The following WASF2 variants were observed in gnomAD, a reference collection of about 807,000 sequenced individuals.
WASF2 encodes the protein actin-binding protein WASF2.
A neutral mutation model predicts 45.0 loss-of-function variants in WASF2; 14 were observed. That is an observed-to-expected ratio of 0.31 (90% CI 0.21 to 0.49). The LOEUF (loss-of-function observed/expected upper bound fraction) is 0.49, where lower values mean the gene tolerates loss of function less well. Ranked by LOEUF, WASF2 falls within the 20% of genes least tolerant of loss-of-function variation. WASF2 has a pLI of 0.99. For missense variants in WASF2, 439 were observed against 636.1 expected, an observed-to-expected ratio of 0.69 and a Z score of 3.33; for synonymous variants, 200 against 236.3, an observed-to-expected ratio of 0.85 and a Z score of 1.41.
chr1:27,419,701 G>A (rs1182178767), intron 2 of WASF2, among the ~76,000 whole-genome samples: 2 of 152,164 alleles, frequency 1.3e-5, no homozygotes, highest in Non-Finnish European at 2.9e-5. Flanking sequence ...AAAACAGATT[G>A]GGAGTTCAGA....
intron 1 of WASF2, 50 bp from the exon 2 acceptor site, chr1:27,428,983 C>A: frequency 9.9e-6 from 13 of 1,310,580 alleles, no homozygotes; most frequent in Non-Finnish European, 1.3e-5. Flanking sequence ...ATTCCAGGCA[C>A]ACTAGGGCTG....
intron 1 of WASF2, among the ~76,000 whole-genome samples, chr1:27,448,259 G>A (rs887271638): frequency 1.3e-5 from 2 of 152,142 alleles, no homozygotes; most frequent in African/African-American, 4.8e-5. Flanking sequence ...TTGACATGGG[G>A]GCTTGACATT....
At chr1:27,446,827 G>A (rs1161070769) in intron 1 of WASF2, among the ~76,000 whole-genome samples, 5 of 151,596 alleles carry the variant, frequency 3.3e-5, no homozygotes, top group South Asian at 2.1e-4. Context: ...TACAGTAGCC[G>A]GAACTTTCCA....
rs143433375 is a variant in WASF2 at position 27,409,883 on chromosome 1, A to G, written c.1148T>C (p.Leu383Ser). 83 of 1,573,334 alleles carry G rather than the reference A, an allele frequency of 5.3e-5. No individual in the cohort carries two copies. The African/African-American group carries it at 1.1e-3, about 21-fold the overall frequency. The change falls in exon 8 of 9, where the codon TTG becomes TCG. Residue 383 changes from leucine to serine, a missense_variant. Around this residue, in one of 5 missense-constraint regions of WASF2, gnomAD observed 286 missense variants for 373.5 expected, o/e 0.77. Transcript: ENST00000618852. ...AGGTGCTCCTCCTGTTGGCTGGGAC[A>G]AGGGAGGTGGTGGCAGAGTTGGGTA... ...ADYPTLPPPP[L>S]SQPTGGAPPP...
chr1:27,428,455 C>A (rs1235011407), intron 2 of WASF2, among the ~76,000 whole-genome samples: 1 of 152,222 alleles, frequency 6.6e-6, no homozygotes, highest in Non-Finnish European at 1.5e-5. Context: ...ACACAGAATT[C>A]TGCTCTGTCA....
Position 27,418,284 on chromosome 1 carries a change from T to C in WASF2, c.404A>G (p.Asn135Ser). 10 of 1,613,934 alleles carry C rather than the reference T, an allele frequency of 6.2e-6. No homozygotes were observed. Among genetic ancestry groups the C allele is most frequent in the Non-Finnish European group, 8.5e-6 (10 of 1,179,928 alleles). Residue 135 changes from asparagine (N) to serine (S), a missense_variant, in exon 4 of 9, where the codon AAT (asparagine) becomes AGT (serine). Transcript: ENST00000618852. ...NTCDTPPPLN[N>S]LTPYRDDGKE... The stretch of plus-strand genomic sequence containing the variant: ...CAGCCATTACCTGTAAGGGGTAAGA[T>C]TGTTGAGAGGGGGAGGAGTATCACA...
At chr1:27,424,723 T>C (rs2016953285) in intron 2 of WASF2, among the ~76,000 whole-genome samples, 1 of 152,206 alleles carries the variant, frequency 6.6e-6, no homozygotes, top group Admixed American at 6.5e-5. Flanking sequence ...GGTCTCACTA[T>C]GTTGCCCAAG....
At chr1:27,487,024 AT>A (rs1325034285) in intron 1 of WASF2, among the ~76,000 whole-genome samples, 1 of 146,500 alleles carries the variant, frequency 6.8e-6, no homozygotes, top group Non-Finnish European at 1.5e-5. Context: ...TTATATATAA[AT>A]TTTATATATA....
At chr1:27,420,617 G>C (rs1442774418) in intron 2 of WASF2, among the ~76,000 whole-genome samples, 1 of 139,730 alleles carries the variant, frequency 7.2e-6, no homozygotes, top group Non-Finnish European at 1.5e-5. Flanking sequence ...TGCCTCCCGC[G>C]TTCAAGTGAT....
chr1:27,427,166 C>T (rs1295426283), intron 2 of WASF2, among the ~76,000 whole-genome samples: 3 of 152,134 alleles, frequency 2.0e-5, no homozygotes, highest in African/African-American at 2.4e-5. Context: ...CAGTTAGCCC[C>T]CACAATGTAA....
At chr1:27,413,596 T>C (rs1422954192) in intron 6 of WASF2, among the ~76,000 whole-genome samples, 1 of 152,174 alleles carries the variant, frequency 6.6e-6, no homozygotes, top group Non-Finnish European at 1.5e-5. Context: ...GCACGTCTCT[T>C]TATAGGTTCA....
chr1:27,469,965 C>T (rs1319307627), intron 1 of WASF2, among the ~76,000 whole-genome samples: 1 of 151,664 alleles, frequency 6.6e-6, no homozygotes, highest in East Asian at 1.9e-4. Flanking sequence ...GGTGAAGTTA[C>T]GGTTTAAGTA....
At chr1:27,440,817 A>G (rs984134654) in intron 1 of WASF2, among the ~76,000 whole-genome samples, 4 of 152,346 alleles carry the variant, frequency 2.6e-5, no homozygotes, top group Non-Finnish European at 1.5e-5. Context: ...ATTTCAGTCA[A>G]TGATGGACTA....
At chr1:27,483,725 G>A (rs1340258375) in intron 1 of WASF2, among the ~76,000 whole-genome samples, 2 of 151,910 alleles carry the variant, frequency 1.3e-5, no homozygotes, top group Non-Finnish European at 2.9e-5. Context: ...AGGGGGCCAA[G>A]GCAGCAGGAT....
intron 1 of WASF2, among the ~76,000 whole-genome samples, chr1:27,437,866 C>A (rs1238343974): frequency 6.6e-6 from 1 of 152,112 alleles, no homozygotes; most frequent in African/African-American, 2.4e-5. Flanking sequence ...AACAACTAAG[C>A]TGTTCTGAAA....
chr1:27,416,741 A>G (rs1474108745), intron 4 of WASF2, among the ~76,000 whole-genome samples: 2 of 152,232 alleles, frequency 1.3e-5, no homozygotes, highest in Non-Finnish European at 2.9e-5. Context: ...CAGCTGTTGT[A>G]AGACCACAAG....
rs1402500087 is a variant in WASF2, at chr1:27,466,169, T to C, written c.-44+23817A>G. Among the ~76,000 whole-genome samples the C allele has an allele frequency of 3.9e-5, 6 of 152,216 alleles. No individual in the cohort carries two copies. The East Asian group carries it at 1.2e-3, about 29-fold the overall frequency. ...AATGAATTAAGTATTTACCTTGCCTTCCTTGTACATATCAAACCCCAGGGT... is the reference window on the plus strand; with the variant it reads ...AATGAATTAAGTATTTACCTTGCCTCCCTTGTACATATCAAACCCCAGGGT... On this transcript the variant is annotated intron_variant, in intron 1 of 8. Coordinates refer to ENST00000618852, the MANE Select transcript of WASF2 (RefSeq NM_006990.5).
intron 2 of WASF2, among the ~76,000 whole-genome samples, chr1:27,419,493 T>C (rs1050359396): frequency 6.6e-6 from 1 of 152,212 alleles, no homozygotes; most frequent in Non-Finnish European, 1.5e-5. Flanking sequence ...CAGGCACCTA[T>C]AATCCCAGCT....
chr1:27,418,371 T>G lies in WASF2; in HGVS notation c.317A>C (p.Gln106Pro), dbSNP rs751338973. 6 of 1,614,128 alleles carry G rather than the reference T, an allele frequency of 3.7e-6. No individual in the cohort carries two copies. In the South Asian group the frequency reaches 6.6e-5, roughly 18 times the overall value. ...TRKAFRSSTI[Q>P]DQKLFDRNSL... ...GTTTCTGTCAAAAAGCTTCTGGTCTTGAATGGTGGAACTTCTGAAGGCTTT... is the reference window on the plus strand; with the variant it reads ...GTTTCTGTCAAAAAGCTTCTGGTCTGGAATGGTGGAACTTCTGAAGGCTTT... The change falls in exon 4 of 9, where the codon CAA becomes CCA. Residue 106 changes from glutamine to proline, a missense_variant. Physicochemically the swap from Gln to Pro is moderately conservative, Grantham distance 76 (BLOSUM62 -1). Transcript: ENST00000618852.
Sources: gnomAD v4.1 joint callset for allele counts (sites outside exome capture counted in the v4.1 genomes callset) on GRCh38, gnomAD v4.1.1 for gene constraint, gnomAD v4.1.1 regional missense constraint, MANE v1.5 for transcripts, NCBI Gene and HGNC (gene_info 2026-07-23, HGNC 2026-07-21) for gene names.